IL18RAP: variants seen among roughly 807,000 people sequenced by gnomAD.
IL18RAP encodes interleukin-18 receptor accessory protein.
IL18RAP carries 37 observed loss-of-function variants against 58.1 expected under a neutral mutation model. That is an observed-to-expected ratio of 0.64 (90% CI 0.49 to 0.84). IL18RAP has a LOEUF of 0.84. Among genes scored for constraint, IL18RAP ranks in the 40% least tolerant of loss-of-function variants. The probability of loss-of-function intolerance (pLI) is 0.00; values close to 1 mark genes in which losing one functional copy is unlikely to be tolerated. For missense variants in IL18RAP, 667 were observed against 704.8 expected (o/e 0.95, Z 0.61); for synonymous variants, 268 against 257.5 (o/e 1.04, Z -0.39).
intron 4 of IL18RAP, among the ~76,000 whole-genome samples, chr2:102,438,519 A>G (rs1230773741): frequency 6.6e-6 from 1 of 152,160 alleles, no homozygotes; most frequent in African/African-American, 2.4e-5. Flanking sequence ...TAGAATGTAA[A>G]TACCCCACTC....
At chr2:102,436,851 A>G (rs1682781388) in intron 3 of IL18RAP, among the ~76,000 whole-genome samples, 2 of 150,296 alleles carry the variant, frequency 1.3e-5, no homozygotes, top group African/African-American at 4.9e-5. Flanking sequence ...ACACACACAC[A>G]TTAAAAAATT....
rs1683799123 is a variant in IL18RAP at position 102,451,977 on chromosome 2, G to A, written c.1596G>A (p.Arg532=). 2.5e-6 allele frequency: 4 copies of A among 1,613,944 alleles called. No individual in the cohort carries two copies. The highest frequency in any genetic ancestry group is 4.5e-5 in the East Asian group (2 of 44,884). ...SLPHLVKKAL[R]VLPTVTWRGL... Reference sequence around the variant, plus strand: ...CTCATCTCGTGAAAAAAGCTCTCAGGGTTTTGCCCACAGTTACTTGGAGAG... The same window carrying A: ...CTCATCTCGTGAAAAAAGCTCTCAGAGTTTTGCCCACAGTTACTTGGAGAG... Residue 532 remains arginine (R), a synonymous_variant, in exon 10 of 10, where the codon AGG becomes AGA. Coordinates refer to ENST00000687160, the MANE Select transcript of IL18RAP (RefSeq NM_001393487.1).
intron 3 of IL18RAP, among the ~76,000 whole-genome samples, chr2:102,429,153 A>G (rs968682120): frequency 2.0e-5 from 3 of 151,942 alleles, no homozygotes; most frequent in Non-Finnish European, 4.4e-5. Context: ...ACTGGCCTAC[A>G]ATTTTCTTGT....
intron 3 of IL18RAP, among the ~76,000 whole-genome samples, chr2:102,430,722 C>T (rs958487720): frequency 1.3e-5 from 2 of 152,050 alleles, no homozygotes; most frequent in African/African-American, 4.8e-5. Flanking sequence ...CACTACTACA[C>T]GTTTTTGTTT....
At chr2:102,444,226 G>A (rs1683278854) in intron 6 of IL18RAP, among the ~76,000 whole-genome samples, 1 of 152,148 alleles carries the variant, frequency 6.6e-6, no homozygotes, top group Non-Finnish European at 1.5e-5. Flanking sequence ...ATAAAATTTA[G>A]CAAGAATTTC....
chr2:102,436,822 TATATATATATGTATGTATAC>T (rs1433431413), intron 3 of IL18RAP, among the ~76,000 whole-genome samples: 1 of 141,616 alleles, frequency 7.1e-6, no homozygotes, highest in Non-Finnish European at 1.6e-5. Flanking sequence ...TGTGTGTGTA[TATATATATATGTATGTATAC>T]ACACACACAT....
intron 4 of IL18RAP, among the ~76,000 whole-genome samples, chr2:102,438,188 T>C (rs1390972013): frequency 6.6e-6 from 1 of 152,230 alleles, no homozygotes; most frequent in South Asian, 2.1e-4. Flanking sequence ...GGGTCGTTCT[T>C]ACCAGATCTG....
intron 3 of IL18RAP, among the ~76,000 whole-genome samples, chr2:102,426,169 G>A (rs1351354208): frequency 3.3e-5 from 5 of 152,108 alleles, no homozygotes; most frequent in Non-Finnish European, 7.4e-5. Context: ...AACACCTAAT[G>A]CCTTTTTCCT....
Position 102,452,553 on chromosome 2 carries a change from A to G in IL18RAP, c.*372A>G, listed in dbSNP as rs957905419. On this transcript the variant is annotated 3_prime_UTR_variant, in exon 10 of 10. Coordinates refer to ENST00000687160, the MANE Select transcript of IL18RAP (RefSeq NM_001393487.1). ...GTATACTTGCAATCAAATAAATATT[A>G]TTTTATTAGAAATGAGTGATTTTTT... 13 of 173,002 alleles carry G rather than the reference A, an allele frequency of 7.5e-5. No individual in the cohort carries two copies. Among genetic ancestry groups the G allele is most frequent in the African/African-American group, 2.4e-4 (10 of 42,268 alleles). The allele number at this position is 173,002 out of a possible 1,614,324, so 10.7% of individuals were successfully genotyped here.
chr2:102,425,392 G>A (rs1681875341), intron 3 of IL18RAP, among the ~76,000 whole-genome samples: 1 of 152,134 alleles, frequency 6.6e-6, no homozygotes, highest in Non-Finnish European at 1.5e-5. Flanking sequence ...TGATTCCTGA[G>A]ACTCCAGGCT....
intron 3 of IL18RAP, among the ~76,000 whole-genome samples, chr2:102,433,616 G>A (rs1351657317): frequency 1.3e-5 from 2 of 152,024 alleles, no homozygotes; most frequent in Non-Finnish European, 2.9e-5. Context: ...TAGAGACTTG[G>A]CTCACTGCAA....
chr2:102,437,688 A>G (rs962057861), intron 4 of IL18RAP, among the ~76,000 whole-genome samples: 14 of 152,218 alleles, frequency 9.2e-5, no homozygotes, highest in African/African-American at 3.4e-4. Flanking sequence ...TAACTATGTT[A>G]CCATTTTCCC....
intron 4 of IL18RAP, chr2:102,440,163 T>A (rs1451187027): frequency 6.6e-6 from 1 of 152,140 alleles, no homozygotes; most frequent in Non-Finnish European, 1.5e-5. Context: ...CCCAGGGGTA[T>A]CAGGAGGAGT....
At chr2:102,421,960 T>A (rs1681601440), upstream of IL18RAP, among the ~76,000 whole-genome samples, 1 of 151,962 alleles carries the variant, frequency 6.6e-6, no homozygotes, top group South Asian at 2.1e-4. Context: ...TTGTCCTCAC[T>A]GACCTGCTGA....
At chr2:102,435,843 ATTTTT>A (rs60082330) in intron 3 of IL18RAP, among the ~76,000 whole-genome samples, 1 of 137,584 alleles carries the variant, frequency 7.3e-6, no homozygotes, top group Non-Finnish European at 1.6e-5. Flanking sequence ...CAGTGTCTTC[ATTTTT>A]TTTTTTTTTT....
intron 7 of IL18RAP, among the ~76,000 whole-genome samples, chr2:102,446,503 C>G (rs116475051): frequency 0.011 from 1,696 of 152,210 alleles, 31 homozygotes; most frequent in African/African-American, 0.038. Flanking sequence ...ATTCTTATGC[C>G]TTTGCGTCCT....
intron 6 of IL18RAP, among the ~76,000 whole-genome samples, chr2:102,443,803 A>G (rs1407526226): frequency 1.3e-5 from 2 of 152,154 alleles, no homozygotes. Context: ...AACCCCGAAA[A>G]AGAGGCTCAG....
upstream of IL18RAP, among the ~76,000 whole-genome samples, chr2:102,422,662 G>A (rs1435851696): frequency 1.3e-5 from 2 of 152,226 alleles, no homozygotes; most frequent in African/African-American, 2.4e-5. Context: ...TCATATTTGA[G>A]AGTTGATAGT....
chr2:102,431,650 G>A (rs1001280615), intron 3 of IL18RAP, among the ~76,000 whole-genome samples: 23 of 151,408 alleles, frequency 1.5e-4, no homozygotes, highest in Non-Finnish European at 3.2e-4. Context: ...TGACATCACG[G>A]ATGCTTTCTT....
Sources: gnomAD v4.1 joint callset for allele counts (sites outside exome capture counted in the v4.1 genomes callset) on GRCh38, gnomAD v4.1.1 for gene constraint, MANE v1.5 for transcripts, NCBI Gene and HGNC (gene_info 2026-07-23, HGNC 2026-07-21) for gene names.